The following PCCA variants were observed in gnomAD, a reference collection of about 807,000 sequenced individuals.
PCCA encodes the protein propionyl-CoA carboxylase alpha chain, mitochondrial.
PCCA carries 74 observed loss-of-function variants against 101.3 expected under a neutral mutation model. The observed-to-expected ratio is 0.73, with a 90% CI of 0.61 to 0.89. PCCA has a LOEUF of 0.89. PCCA is among the 40% of genes least tolerant of loss of function. PCCA has a pLI of 0.00. For missense variants in PCCA, 891 were observed against 907.0 expected, an observed-to-expected ratio of 0.98 and a Z score of 0.23; for synonymous variants, 294 against 313.6, an observed-to-expected ratio of 0.94 and a Z score of 0.66.
At chr13:100,529,727 C>G (rs148368492) in intron 23 of PCCA, among the ~76,000 whole-genome samples, 122 of 152,290 alleles carry the variant, frequency 8.0e-4, no homozygotes, top group Non-Finnish European at 9.7e-4. Flanking sequence ...TCCACAACCT[C>G]AAAACCACAG....
intron 6 of PCCA, among the ~76,000 whole-genome samples, chr13:100,158,756 A>G (rs965020520): frequency 3.3e-5 from 5 of 152,296 alleles, no homozygotes; most frequent in East Asian, 1.9e-4. Flanking sequence ...GTTTTTGTCA[A>G]TAAAATTTTA....
intron 8 of PCCA, among the ~76,000 whole-genome samples, chr13:100,247,932 G>A (rs754140035): frequency 5.3e-4 from 80 of 152,018 alleles, no homozygotes; most frequent in Non-Finnish European, 1.0e-3. Context: ...ACAGTGTATC[G>A]TGTTTCCTTG....
chr13:100,282,748 G>A (rs1279568985), intron 12 of PCCA, among the ~76,000 whole-genome samples: 1 of 152,166 alleles, frequency 6.6e-6, no homozygotes, highest in Non-Finnish European at 1.5e-5. Flanking sequence ...CAAATGGAGT[G>A]GAATACCTTA....
At chr13:100,461,901 C>G (rs766814506) in intron 21 of PCCA, among the ~76,000 whole-genome samples, 1 of 152,140 alleles carries the variant, frequency 6.6e-6, no homozygotes, top group Non-Finnish European at 1.5e-5. Context: ...AAACCAGAGC[C>G]TTTCTAGTCT....
chr13:100,211,838 T>C (rs928200030), intron 7 of PCCA, among the ~76,000 whole-genome samples: 1 of 152,178 alleles, frequency 6.6e-6, no homozygotes, highest in Non-Finnish European at 1.5e-5. Context: ...CCTCGTGGGC[T>C]CAAGTGCTCC....
intron 8 of PCCA, among the ~76,000 whole-genome samples, chr13:100,243,349 A>G (rs1405981163): frequency 6.6e-6 from 1 of 152,246 alleles, no homozygotes; most frequent in Non-Finnish European, 1.5e-5. Flanking sequence ...GAATTAAGCA[A>G]TCACATATTT....
chr13:100,360,474 A>C (rs1211262673), intron 18 of PCCA, among the ~76,000 whole-genome samples: 1 of 152,220 alleles, frequency 6.6e-6, no homozygotes, highest in East Asian at 1.9e-4. Flanking sequence ...AAAACATCTA[A>C]AACATGTGAG....
At chr13:100,458,423 G>GCACACA (rs143067653) in intron 21 of PCCA, among the ~76,000 whole-genome samples, 1 of 89,680 alleles carries the variant, frequency 1.1e-5, no homozygotes, top group African/African-American at 6.3e-5. Flanking sequence ...ATCTCTGCGC[G>GCACACA]CACACACACA....
chr13:100,275,416 T>C (rs542372569), intron 12 of PCCA, among the ~76,000 whole-genome samples: 44 of 152,314 alleles, frequency 2.9e-4, no homozygotes, highest in African/African-American at 7.7e-4. Context: ...TGTTCTGGGC[T>C]CCAGGTGGAT....
At chr13:100,309,184 C>T (rs1204501165) in intron 15 of PCCA, among the ~76,000 whole-genome samples, 1 of 152,076 alleles carries the variant, frequency 6.6e-6, no homozygotes, top group Non-Finnish European at 1.5e-5. Flanking sequence ...CACCTAAGGT[C>T]AGGAGTGTGA....
At position 100,185,669 on chromosome 13, in the gene PCCA, C is replaced by T. The variant is rs561332610; in HGVS notation, c.469-23663C>T. 1.4e-4 allele frequency among the ~76,000 whole-genome samples: 19 copies of T among 138,994 alleles called. No individual in the cohort carries two copies. The East Asian group carries it at 2.4e-3, about 17-fold the overall frequency. The allele number at this position is 138,994 out of a possible 152,430, so 91.2% of individuals were successfully genotyped here. A position where few individuals can be genotyped will look rare whatever the true frequency, so the allele number is the denominator to read the frequency against. Reference sequence around the variant, plus strand: ...TTTCTTTTTTTTTTTTTTTGTGAGACGGAGTTTTGCTCTTGTTGCCCACGC... The same window carrying T: ...TTTCTTTTTTTTTTTTTTTGTGAGATGGAGTTTTGCTCTTGTTGCCCACGC... On this transcript the variant is annotated intron_variant, in intron 6 of 23. Coordinates refer to ENST00000376285, the MANE Select transcript of PCCA (RefSeq NM_000282.4).
At chr13:100,211,132 T>C (rs1430876203) in intron 7 of PCCA, among the ~76,000 whole-genome samples, 1 of 152,238 alleles carries the variant, frequency 6.6e-6, no homozygotes, top group East Asian at 1.9e-4. Context: ...GGTCACTCAG[T>C]TATGTGGGAA....
rs1302620092 is a variant in PCCA at position 100,150,732 on chromosome 13, C to A, written c.301-4247C>A. On this transcript the variant is annotated intron_variant, in intron 4 of 23. Transcript: ENST00000376285. ...AAAAATTTGTATGTGGAATCTTCAC[C>A]AACCCAGTAAGAATTCAGGACTCTC... is the stretch of plus-strand genomic sequence containing the variant. 1.9e-6 allele frequency: 3 copies of A among 1,585,412 alleles called. No homozygotes were observed. The East Asian group carries it at 6.7e-5, about 35-fold the overall frequency.
At position 100,522,273 on chromosome 13, in the gene PCCA, C is replaced by G. The variant is rs1323619866; in HGVS notation, c.2041-5402C>G. The stretch of plus-strand genomic sequence containing the variant: ...CTGGCGTACATTGTGTGCTCCTGCA[C>G]GTGTCGTATTTCATGGTCTGCAGTT... On this transcript the variant is annotated intron_variant, in intron 22 of 23. Transcript: ENST00000376285. 2.0e-5 allele frequency among the ~76,000 whole-genome samples: 3 copies of G among 152,126 alleles called. No individual in the cohort carries two copies. The East Asian group carries it at 5.8e-4, about 29-fold the overall frequency.
intron 4 of PCCA, among the ~76,000 whole-genome samples, chr13:100,146,979 G>T (rs1043301677): frequency 6.6e-6 from 1 of 150,826 alleles, no homozygotes; most frequent in Admixed American, 6.6e-5. Context: ...AGAAATACTG[G>T]GTAGCAGTTA....
intron 21 of PCCA, among the ~76,000 whole-genome samples, chr13:100,459,193 G>T (rs2082008103): frequency 6.6e-6 from 1 of 152,054 alleles, no homozygotes; most frequent in Non-Finnish European, 1.5e-5. Flanking sequence ...CAGATTTAAG[G>T]CTCACCCTAA....
intron 6 of PCCA, among the ~76,000 whole-genome samples, chr13:100,189,340 A>G (rs1437298698): frequency 1.3e-5 from 2 of 152,224 alleles, no homozygotes; most frequent in East Asian, 1.9e-4. Context: ...ATAGTGCCGT[A>G]GTAAACATAC....
At chr13:100,212,887 A>G (rs2059302799) in intron 7 of PCCA, among the ~76,000 whole-genome samples, 1 of 148,622 alleles carries the variant, frequency 6.7e-6, no homozygotes, top group Non-Finnish European at 1.5e-5. Flanking sequence ...ACTCCTCCCC[A>G]CTACCCTTCC....
intron 14 of PCCA, among the ~76,000 whole-genome samples, chr13:100,303,808 T>C (rs1266580378): frequency 2.6e-5 from 4 of 152,196 alleles, no homozygotes; most frequent in Non-Finnish European, 5.9e-5. Context: ...CCATGTGCTT[T>C]CTAAAGGGAC....
Sources: allele counts gnomAD v4.1 joint callset (sites outside exome capture counted in the v4.1 genomes callset), GRCh38; gene constraint gnomAD v4.1.1; transcripts MANE v1.5; gene names NCBI Gene and HGNC (gene_info 2026-07-23, HGNC 2026-07-21).